The following ATXN10 variants were observed in gnomAD, a reference collection of about 807,000 sequenced individuals.
The protein encoded by ATXN10 is ataxin-10.
ATXN10 carries 28 observed loss-of-function variants against 52.9 expected under a neutral mutation model. That is an observed-to-expected ratio of 0.53 (90% CI 0.39 to 0.73). The LOEUF (loss-of-function observed/expected upper bound fraction) is 0.73, where lower values mean the gene tolerates loss of function less well. Among genes scored for constraint, ATXN10 ranks in the 30% least tolerant of loss-of-function variants. ATXN10 has a pLI of 0.00. For synonymous variants in ATXN10, 226 were observed against 221.5 expected (o/e 1.02, Z -0.18); for missense variants, 565 against 577.0 (o/e 0.98, Z 0.21).
At position 45,701,017 on chromosome 22, in the gene ATXN10, G is replaced by A. The variant is rs1379092300; in HGVS notation, c.488+639G>A. 6.6e-6 allele frequency among the ~76,000 whole-genome samples: 1 copy of A among 152,140 alleles called. No individual in the cohort carries two copies. The highest frequency in any genetic ancestry group is 6.5e-5 in the Admixed American group (1 of 15,268). On this transcript the variant is annotated intron_variant, in intron 4 of 11. Coordinates refer to ENST00000252934, the MANE Select transcript of ATXN10 (RefSeq NM_013236.4). This position sits in a 1 kb window ranked among gnomAD's most constrained non-coding sequence, Gnocchi z 4.2. ...CTGTTCATAAGAAATTGAGCATTGA[G>A]GTAAAAGGTGAGCAGGGAATAGAGT...
rs1261097066 is a variant in ATXN10, at chr22:45,818,709, C to T, written c.1237+11687C>T. Among the ~76,000 whole-genome samples, 1 of 151,950 alleles carries T rather than the reference C, an allele frequency of 6.6e-6. No homozygotes were observed. Among genetic ancestry groups the T allele is most frequent in the Non-Finnish European group, 1.5e-5 (1 of 68,008 alleles). On this transcript the variant is annotated intron_variant, in intron 10 of 11. Coordinates refer to ENST00000252934, the MANE Select transcript of ATXN10 (RefSeq NM_013236.4). The surrounding 1 kb of genome is among the most constrained non-coding windows in gnomAD (Gnocchi z 4.6). ...GTGGGAAGCTGCTTCCCTGGACTTGCTCTCGGTTACTTCAGCTGCCTGTCT... is the reference window on the plus strand; with the variant it reads ...GTGGGAAGCTGCTTCCCTGGACTTGTTCTCGGTTACTTCAGCTGCCTGTCT...
At position 45,805,540 on chromosome 22, in the gene ATXN10, G is replaced by A. The variant is rs778526120; in HGVS notation, c.1174-1419G>A. On this transcript the variant is annotated intron_variant, in intron 9 of 11. Coordinates refer to ENST00000252934, the MANE Select transcript of ATXN10 (RefSeq NM_013236.4). The surrounding 1 kb of genome is among the most constrained non-coding windows in gnomAD (Gnocchi z 4.4). ...ACTCAGCCGTGAAAAGAAATGAAGC[G>A]CTGACATGCCACAACATGGGTGAAC... 2.0e-5 allele frequency among the ~76,000 whole-genome samples: 3 copies of A among 152,166 alleles called. No individual in the cohort carries two copies. The highest frequency in any genetic ancestry group is 4.4e-5 in the Non-Finnish European group (3 of 68,034).
At position 45,772,667 on chromosome 22, in the gene ATXN10, T is replaced by C. The variant is rs1389030906; in HGVS notation, c.1173+32129T>C. Among the ~76,000 whole-genome samples the C allele has an allele frequency of 3.3e-5, 5 of 152,238 alleles. No homozygotes were observed. The highest frequency in any genetic ancestry group is 1.2e-4 in the African/African-American group (5 of 41,454). ...GGGGGGAATCAATGTCTTACTGTGTTGAGTCTTCCAATCCGTGAACCAGGA... is the reference window on the plus strand; with the variant it reads ...GGGGGGAATCAATGTCTTACTGTGTCGAGTCTTCCAATCCGTGAACCAGGA... On this transcript the variant is annotated intron_variant, in intron 9 of 11. Coordinates refer to ENST00000252934, the MANE Select transcript of ATXN10 (RefSeq NM_013236.4). This position sits in a 1 kb window ranked among gnomAD's most constrained non-coding sequence, Gnocchi z 4.1.
intron 9 of ATXN10, among the ~76,000 whole-genome samples, chr22:45,748,072 G>C (rs1342497037): frequency 6.6e-6 from 1 of 152,104 alleles, no homozygotes; most frequent in East Asian, 1.9e-4. Context: ...CCAGGTGCTT[G>C]GGGGGCTGAG....
At position 45,671,979 on chromosome 22, in the gene ATXN10, T is replaced by G; in HGVS notation, c.-85T>G. Reference sequence around the variant, plus strand: ...GCCTCCCCCTTCCTCCTCGCCATCCTACTCCTCCCTCCTCGTCATCCTCCC... The same window carrying G: ...GCCTCCCCCTTCCTCCTCGCCATCCGACTCCTCCCTCCTCGTCATCCTCCC... On this transcript the variant is annotated 5_prime_UTR_variant, in exon 1 of 12. Transcript: ENST00000252934. 1 of 1,450,266 alleles carries G rather than the reference T, an allele frequency of 6.9e-7. No individual in the cohort carries two copies. The highest frequency in any genetic ancestry group is 9.3e-7 in the Non-Finnish European group (1 of 1,076,416). 89.8% of individuals were successfully genotyped at this position (1,450,266 alleles called of 1,614,324 possible).
In ATXN10 at chr22:45,733,858, CTT is replaced by C. The variant is rs1300345726; in HGVS notation, c.894+4274_894+4275del. Among the ~76,000 whole-genome samples the C allele has an allele frequency of 6.7e-6, 1 of 148,584 alleles. No homozygotes were observed. Among genetic ancestry groups the C allele is most frequent in the Non-Finnish European group, 1.5e-5 (1 of 67,106 alleles). Reference sequence around the variant, plus strand: ...TTTTTTTTGTTTTCTTTTCAAAGGTCTTTTTTTGTATATACACACCTATATGT... The same window carrying C: ...TTTTTTTTGTTTTCTTTTCAAAGGTCTTTTTGTATATACACACCTATATGT... On this transcript the variant is annotated intron_variant, in intron 7 of 11. Coordinates refer to ENST00000252934, the MANE Select transcript of ATXN10 (RefSeq NM_013236.4). This position sits in a 1 kb window ranked among gnomAD's most constrained non-coding sequence, Gnocchi z 4.4.
Position 45,689,801 on chromosome 22 carries a change from C to G in ATXN10, c.206C>G (p.Ser69Cys). ...GTTGAGCTTGCCTGCAGAGATCCAT[C>G]CCAAGTGGAAAACCTGGCTTCCAGT... Reference protein sequence around the residue: ...HAVELACRDPSQVENLASSLQ... With the variant: ...HAVELACRDPCQVENLASSLQ... Residue 69 changes from serine to cysteine, a missense_variant, in exon 2 of 12, where the codon TCC becomes TGC. Ser to Cys is a moderately radical substitution (Grantham distance 112). Transcript: ENST00000252934. 6.2e-7 allele frequency: 1 copy of G among 1,614,170 alleles called. No individual in the cohort carries two copies.
At chr22:45,723,280 T>A (rs1338308486) in intron 6 of ATXN10, among the ~76,000 whole-genome samples, 1 of 152,090 alleles carries the variant, frequency 6.6e-6, no homozygotes, top group Non-Finnish European at 1.5e-5. Flanking sequence ...GTGGTTTTGG[T>A]CACATGGATG....
chr22:45,753,021 A>G (rs373318489), intron 9 of ATXN10, among the ~76,000 whole-genome samples: 1 of 152,088 alleles, frequency 6.6e-6, no homozygotes, highest in Non-Finnish European at 1.5e-5. Context: ...GGCGTAAGCT[A>G]CCGTGCCCGG....
chr22:45,725,455 T>C (rs1924831001), intron 6 of ATXN10, among the ~76,000 whole-genome samples: 1 of 151,952 alleles, frequency 6.6e-6, no homozygotes, highest in Admixed American at 6.6e-5. Flanking sequence ...TCTTGATTTG[T>C]TTCTCAGCTT....
chr22:45,772,207 G>T lies in ATXN10; in HGVS notation c.1173+31669G>T, dbSNP rs777898328. ...TCTTCCTAAAATTTTGTAGTTTTATGTTTTGTGTTTAGATCTAGGATCCAT... is the reference window on the plus strand; with the variant it reads ...TCTTCCTAAAATTTTGTAGTTTTATTTTTTGTGTTTAGATCTAGGATCCAT... On this transcript the variant is annotated intron_variant, in intron 9 of 11. Coordinates refer to ENST00000252934, the MANE Select transcript of ATXN10 (RefSeq NM_013236.4). The surrounding 1 kb of genome is among the most constrained non-coding windows in gnomAD (Gnocchi z 4.1). Among the ~76,000 whole-genome samples the T allele has an allele frequency of 6.6e-6, 1 of 152,030 alleles. No individual in the cohort carries two copies. The highest frequency in any genetic ancestry group is 1.5e-5 in the Non-Finnish European group (1 of 68,002).
intron 9 of ATXN10, among the ~76,000 whole-genome samples, chr22:45,753,377 C>CATT (rs1926057278): frequency 1.7e-5 from 1 of 57,814 alleles, no homozygotes; most frequent in Admixed American, 2.6e-4. Flanking sequence ...CTCTTACCAG[C>CATT]TTTTTTTTTT....
At position 45,799,080 on chromosome 22, in the gene ATXN10, G is replaced by GT. The variant is rs1395772847; in HGVS notation, c.1174-7873dup. Among the ~76,000 whole-genome samples the GT allele has an allele frequency of 5.7e-3, 253 of 44,610 alleles. 1 individual carries two copies. The highest frequency in any genetic ancestry group is 0.022 in the African/African-American group (244 of 11,236). The allele number at this position is 44,610 out of a possible 152,430, so 29.3% of individuals were successfully genotyped here. A position where few individuals can be genotyped will look rare whatever the true frequency, so the allele number is the denominator to read the frequency against. ...GAATGCCAGGAGACATTTGTGTTTT[G>GT]TTTTTTGTTTTTCTTTTGAGACAGA... On this transcript the variant is annotated intron_variant, in intron 9 of 11. Transcript: ENST00000252934.
chr22:45,711,554 C>G (rs1003437767), intron 5 of ATXN10, among the ~76,000 whole-genome samples: 2 of 152,166 alleles, frequency 1.3e-5, no homozygotes, highest in Non-Finnish European at 2.9e-5. Context: ...ATCCGCACAT[C>G]GTGTCACTGT....
At position 45,763,927 on chromosome 22, in the gene ATXN10, C is replaced by A. The variant is rs1337634349; in HGVS notation, c.1173+23389C>A. ...CACCTCCCCCAGTGTCTTCCAGGCCCCCTTCTTATCTAAGGCTGCTACGTG... is the reference window on the plus strand; with the variant it reads ...CACCTCCCCCAGTGTCTTCCAGGCCACCTTCTTATCTAAGGCTGCTACGTG... On this transcript the variant is annotated intron_variant, in intron 9 of 11. Transcript: ENST00000252934. This position sits in a 1 kb window ranked among gnomAD's most constrained non-coding sequence, Gnocchi z 6.9. Among the ~76,000 whole-genome samples, 2 of 151,316 alleles carry A rather than the reference C, an allele frequency of 1.3e-5. No individual in the cohort carries two copies. Among genetic ancestry groups the A allele is most frequent in the African/African-American group, 4.9e-5 (2 of 41,132 alleles).
In ATXN10 at chr22:45,727,361, A is replaced by ATCTG. The variant is rs1555890594; in HGVS notation, c.729-2061_729-2060insGTCT. The stretch of plus-strand genomic sequence containing the variant: ...TATCTATCTATCTATCTATCTATCT[A>ATCTG]TCTATCTATCTATCTGAGACTGAGT... On this transcript the variant is annotated intron_variant, in intron 6 of 11. Coordinates refer to ENST00000252934, the MANE Select transcript of ATXN10 (RefSeq NM_013236.4). The surrounding 1 kb of genome is among the most constrained non-coding windows in gnomAD (Gnocchi z 4.6). Among the ~76,000 whole-genome samples the ATCTG allele has an allele frequency of 6.6e-6, 1 of 151,200 alleles. No individual in the cohort carries two copies. Among genetic ancestry groups the ATCTG allele is most frequent in the Non-Finnish European group, 1.5e-5 (1 of 67,786 alleles).
chr22:45,715,786 TACAAAA>T lies in ATXN10; in HGVS notation c.648-2626_648-2621del. Among the ~76,000 whole-genome samples, 1 of 152,228 alleles carries T rather than the reference TACAAAA, an allele frequency of 6.6e-6. No individual in the cohort carries two copies. The highest frequency in any genetic ancestry group is 1.5e-5 in the Non-Finnish European group (1 of 68,036). ...CTAAGGTAGACCATAGGCTGGCCTG[TACAAAA>T]GTTTCAGTAAATGTGTAAGGGATTG... On this transcript the variant is annotated intron_variant, in intron 5 of 11. Transcript: ENST00000252934. The surrounding 1 kb of genome is among the most constrained non-coding windows in gnomAD (Gnocchi z 4.4).
chr22:45,817,905 A>G (rs1166409539), intron 10 of ATXN10, among the ~76,000 whole-genome samples: 1 of 151,824 alleles, frequency 6.6e-6, no homozygotes, highest in Non-Finnish European at 1.5e-5. Flanking sequence ...ATTCAAACAG[A>G]CTCATCCCTA....
intron 10 of ATXN10, 135 bp downstream of exon 10, chr22:45,807,157 C>A (rs1221587261): frequency 2.6e-6 from 2 of 771,988 alleles, no homozygotes; most frequent in African/African-American, 1.7e-5. Context: ...AGAACCAAAT[C>A]ATTTTCTCAG....
Sources: allele counts gnomAD v4.1 joint callset (sites outside exome capture counted in the v4.1 genomes callset), GRCh38; gene constraint gnomAD v4.1.1; non-coding constraint Gnocchi (gnomAD v3.1); transcripts MANE v1.5; gene names NCBI Gene and HGNC (gene_info 2026-07-23, HGNC 2026-07-21).